TGFA: variants seen among roughly 807,000 people sequenced by gnomAD.
The protein encoded by TGFA is transforming growth factor alpha.
A neutral mutation model predicts 21.7 loss-of-function variants in TGFA; 12 were observed. The ratio of observed to expected loss-of-function variants is 0.55; its 90% CI spans 0.35 to 0.90. TGFA has a LOEUF of 0.90. TGFA is among the 40% of genes least tolerant of loss of function. TGFA has a pLI of 0.01. For missense variants in TGFA, 178 were observed against 210.8 expected (o/e 0.84, Z 0.96); for synonymous variants, 79 against 88.1 (o/e 0.90, Z 0.58).
intron 1 of TGFA, among the ~76,000 whole-genome samples, chr2:70,540,664 G>C (rs192176325): frequency 6.6e-6 from 1 of 152,196 alleles, no homozygotes; most frequent in Non-Finnish European, 1.5e-5. Flanking sequence ...ATCATAAAGG[G>C]ATTATGAACA....
intron 2 of TGFA, among the ~76,000 whole-genome samples, chr2:70,489,253 G>C (rs1321280503): frequency 6.6e-6 from 1 of 152,240 alleles, no homozygotes; most frequent in Admixed American, 6.5e-5. Context: ...AAAAAGGTGG[G>C]CGTTGGAATG....
intron 2 of TGFA, among the ~76,000 whole-genome samples, chr2:70,511,906 C>CACACAA (rs1553500973): frequency 2.0e-5 from 3 of 151,834 alleles, no homozygotes; most frequent in African/African-American, 7.3e-5. Context: ...CACACACACA[C>CACACAA]ACACACACAC....
chr2:70,479,870 C>G (rs1298189930), intron 2 of TGFA, among the ~76,000 whole-genome samples: 1 of 152,186 alleles, frequency 6.6e-6, no homozygotes, highest in Non-Finnish European at 1.5e-5. Context: ...TATTCAATAT[C>G]TTTACCCATT....
chr2:70,540,442 A>G (rs1673101888), intron 1 of TGFA, among the ~76,000 whole-genome samples: 1 of 152,230 alleles, frequency 6.6e-6, no homozygotes. Flanking sequence ...TGGAGAATAA[A>G]CTATTCAATA....
intron 1 of TGFA, among the ~76,000 whole-genome samples, chr2:70,516,693 C>A (rs1274454037): frequency 3.9e-5 from 6 of 152,206 alleles, no homozygotes; most frequent in African/African-American, 4.8e-5. Flanking sequence ...CCCATCCAAG[C>A]CGGGAAAAGT....
chr2:70,471,634 G>A (rs1523304), intron 2 of TGFA, among the ~76,000 whole-genome samples: 86,599 of 151,936 alleles, frequency 0.57, 25,440 homozygotes, highest in African/African-American at 0.71. Context: ...ATTCCTATGA[G>A]AGGCACTTTG....
At chr2:70,524,177 C>T (rs1553502661) in intron 1 of TGFA, among the ~76,000 whole-genome samples, 4 of 152,154 alleles carry the variant, frequency 2.6e-5, no homozygotes, top group African/African-American at 9.7e-5. Flanking sequence ...TCTGGTGGTC[C>T]GAGAGAACCC....
intron 3 of TGFA, among the ~76,000 whole-genome samples, chr2:70,460,529 T>A (rs1670376232): frequency 6.6e-6 from 1 of 152,078 alleles, no homozygotes; most frequent in Admixed American, 6.6e-5. Context: ...CTCCTTTGCC[T>A]CAGGTAGGCG....
At chr2:70,521,823 C>T (rs1672481814) in intron 1 of TGFA, among the ~76,000 whole-genome samples, 1 of 151,902 alleles carries the variant, frequency 6.6e-6, no homozygotes, top group Non-Finnish European at 1.5e-5. Context: ...CCATATTGGC[C>T]AGGCTGGTCT....
At chr2:70,452,088 T>C (rs1670076087) in intron 5 of TGFA, among the ~76,000 whole-genome samples, 1 of 152,212 alleles carries the variant, frequency 6.6e-6, no homozygotes, top group South Asian at 2.1e-4. Flanking sequence ...TGAATGCACA[T>C]GTGTCCAGCC....
At chr2:70,539,359 C>G (rs1210317578) in intron 1 of TGFA, among the ~76,000 whole-genome samples, 1 of 151,738 alleles carries the variant, frequency 6.6e-6, no homozygotes, top group Non-Finnish European at 1.5e-5. Context: ...ACCTATCCCT[C>G]TAGTCTGGGA....
At chr2:70,552,400 T>G (rs560054207) in intron 1 of TGFA, among the ~76,000 whole-genome samples, 1 of 152,370 alleles carries the variant, frequency 6.6e-6, no homozygotes, top group African/African-American at 2.4e-5. Flanking sequence ...TCCAGGAAGC[T>G]TCCCTTGTAT....
intron 2 of TGFA, among the ~76,000 whole-genome samples, chr2:70,467,041 G>C (rs567151188): frequency 6.6e-6 from 1 of 151,864 alleles, no homozygotes; most frequent in Admixed American, 6.6e-5. Context: ...ATACCCTTTT[G>C]GGGGAGGGTG....
rs1669961674 is a variant in TGFA, at chr2:70,448,749, G to A, written c.*2110C>T. On this transcript the variant is annotated 3_prime_UTR_variant, in exon 6 of 6. Coordinates refer to ENST00000295400, the MANE Select transcript of TGFA (RefSeq NM_003236.4). Reference sequence around the variant, plus strand: ...AAGGCACTTCTAGGGAGGCGTATATGTGAGGCCTCTCACTGCATGTGTGTT... The same window carrying A: ...AAGGCACTTCTAGGGAGGCGTATATATGAGGCCTCTCACTGCATGTGTGTT... 6.6e-6 allele frequency: 1 copy of A among 152,236 alleles called. No homozygotes were observed. The highest frequency in any genetic ancestry group is 1.5e-5 in the Non-Finnish European group (1 of 68,040). The allele number at this position is 152,236 out of a possible 1,614,324, so 9.4% of individuals were successfully genotyped here. A position where few individuals can be genotyped will look rare whatever the true frequency, so the allele number is the denominator to read the frequency against.
intron 2 of TGFA, among the ~76,000 whole-genome samples, chr2:70,466,671 C>A (rs143201620): frequency 1.3e-5 from 2 of 152,256 alleles, no homozygotes; most frequent in East Asian, 3.9e-4. Context: ...TACTTAGAGT[C>A]CCATTACTGG....
Position 70,524,495 on chromosome 2 carries a change from G to T in TGFA, c.41-9583C>A, listed in dbSNP as rs577671525. On this transcript the variant is annotated intron_variant, in intron 1 of 5. Transcript: ENST00000295400. ...CTGGAATTTCAAGGCAACAGGGCGA[G>T]TATCGCCGAGCCCTCTCGGGCTGGC... Among the ~76,000 whole-genome samples, 20 of 152,368 alleles carry T rather than the reference G, an allele frequency of 1.3e-4. No homozygotes were observed. The South Asian group carries it at 2.5e-3, about 19-fold the overall frequency.
intron 1 of TGFA, among the ~76,000 whole-genome samples, chr2:70,543,530 A>AAAAAAAAAAG (rs1673198510): frequency 6.6e-6 from 1 of 151,790 alleles, no homozygotes; most frequent in African/African-American, 2.4e-5. Context: ...TGTCTCAAAA[A>AAAAAAAAAAG]AAAAAAAAAG....
chr2:70,453,636 G>A (rs1670132737), intron 4 of TGFA, among the ~76,000 whole-genome samples: 1 of 152,180 alleles, frequency 6.6e-6, no homozygotes, highest in Admixed American at 6.5e-5. Flanking sequence ...CCTCCACTCG[G>A]CTTTCTTGAT....
chr2:70,545,378 T>C (rs532153966), intron 1 of TGFA, among the ~76,000 whole-genome samples: 3 of 152,218 alleles, frequency 2.0e-5, no homozygotes, highest in Non-Finnish European at 4.4e-5. Flanking sequence ...GTCCAAGTCT[T>C]GTGCGCTTAG....
Sources: gnomAD v4.1 joint callset for allele counts (sites outside exome capture counted in the v4.1 genomes callset) on GRCh38, gnomAD v4.1.1 for gene constraint, MANE v1.5 for transcripts, NCBI Gene and HGNC (gene_info 2026-07-23, HGNC 2026-07-21) for gene names.